Variants in LRCH3 observed in about 807,000 individuals in gnomAD.
LRCH3 encodes leucine rich repeats and calponin homology domain containing 3, also known as DISP complex protein LRCH3.
A neutral mutation model predicts 104.5 loss-of-function variants in LRCH3; 68 were observed. That is an observed-to-expected ratio of 0.65 (90% CI 0.54 to 0.80). The LOEUF (loss-of-function observed/expected upper bound fraction) is 0.80. Ranked by LOEUF, LRCH3 falls within the 30% of genes least tolerant of loss-of-function variation. LRCH3 has a pLI of 0.00. For missense variants in LRCH3, 951 were observed against 953.9 expected (o/e 1.00, Z 0.04); for synonymous variants, 344 against 361.3 (o/e 0.95, Z 0.54).
intron 1 of LRCH3, among the ~76,000 whole-genome samples, chr3:197,802,319 C>G (rs977360223): frequency 9.9e-5 from 15 of 152,134 alleles, no homozygotes; most frequent in African/African-American, 3.6e-4. Flanking sequence ...ATACCACACA[C>G]AGACTGATTA....
At chr3:197,804,898 C>A (rs554628501) in intron 1 of LRCH3, among the ~76,000 whole-genome samples, 1 of 140,952 alleles carries the variant, frequency 7.1e-6, no homozygotes, top group Non-Finnish European at 1.6e-5. Flanking sequence ...TTTTTTTTTT[C>A]TTTTTTATTT....
intron 17 of LRCH3, among the ~76,000 whole-genome samples, chr3:197,869,789 GCGA>G: frequency 7.3e-6 from 1 of 136,532 alleles, no homozygotes. Flanking sequence ...GAGGTAGAAA[GCGA>G]TGCACTGTAC....
intron 1 of LRCH3, among the ~76,000 whole-genome samples, chr3:197,804,547 C>T (rs1732259856): frequency 6.6e-6 from 1 of 152,192 alleles, no homozygotes; most frequent in Non-Finnish European, 1.5e-5. Flanking sequence ...ATCTTGTCCT[C>T]ACTCCTATCC....
chr3:197,862,325 C>T (rs1346859008), intron 15 of LRCH3, among the ~76,000 whole-genome samples: 1 of 152,194 alleles, frequency 6.6e-6, no homozygotes, highest in Non-Finnish European at 1.5e-5. Context: ...AAGGAGAGAA[C>T]ATTCGCTGCC....
chr3:197,830,700 G>C, intron 6 of LRCH3, 70 bp from the exon 7 acceptor site: 1 of 1,255,418 alleles, frequency 8.0e-7, no homozygotes, highest in South Asian at 1.3e-5. Flanking sequence ...TTAGAAAATT[G>C]ATCTGTTTAA....
chr3:197,817,118 G>T (rs1378482769), intron 2 of LRCH3, 58 bp from the exon 3 acceptor site: 5 of 1,513,870 alleles, frequency 3.3e-6, no homozygotes, highest in Non-Finnish European at 1.8e-6. Context: ...GAGAAAGAGA[G>T]AAAATTTTTC....
In LRCH3 at chr3:197,826,881, T is replaced by G. The variant is rs761793969; in HGVS notation, c.644T>G (p.Leu215Arg). The change falls in exon 5 of 21, where the codon CTG becomes CGG. Residue 215 changes from leucine (L) to arginine (R), a missense_variant. Leu to Arg is a moderately radical substitution (Grantham distance 102). Coordinates refer to ENST00000425562, the MANE Select transcript of LRCH3 (RefSeq NM_001365715.1). ...TTTCCATTTTACCTTCTTGCAGAGC[T>G]GGCGGAGTTGCCTTTGATACGGTTA... is the stretch of plus-strand genomic sequence containing the variant. ...RNHLVHLPEE[L>R]AELPLIRLDF... 3 of 1,614,166 alleles carry G rather than the reference T, an allele frequency of 1.9e-6. No individual in the cohort carries two copies. Among genetic ancestry groups the G allele is most frequent in the Non-Finnish European group, 2.5e-6 (3 of 1,180,010 alleles).
intron 17 of LRCH3, among the ~76,000 whole-genome samples, chr3:197,868,367 A>G (rs771460086): frequency 6.6e-6 from 1 of 152,262 alleles, no homozygotes; most frequent in East Asian, 1.9e-4. Context: ...GAGGATATGC[A>G]TAGTTTGTAT....
chr3:197,817,358 GTGTATA>G, intron 3 of LRCH3, 56 bp downstream of exon 3: 2 of 120,074 alleles, frequency 1.7e-5, no homozygotes, highest in African/African-American at 2.3e-4. Flanking sequence ...GTGTGTGTGT[GTGTATA>G]TATATATATA....
chr3:197,870,456 C>T (rs1382707696), intron 18 of LRCH3, among the ~76,000 whole-genome samples, 178 bp downstream of exon 18: 1 of 152,128 alleles, frequency 6.6e-6, no homozygotes, highest in African/African-American at 2.4e-5. Context: ...GCCTATGCCT[C>T]GTGGGTTCAA....
chr3:197,865,442 C>T lies in LRCH3; in HGVS notation c.1736C>T (p.Ala579Val). The T allele has an allele frequency of 6.4e-7, 1 of 1,566,390 alleles. No individual in the cohort carries two copies. Among genetic ancestry groups the T allele is most frequent in the Middle Eastern group, 1.9e-4 (1 of 5,236 alleles). ...TPLKSDDRPNALLSSPATETV... is the reference protein window; with the variant it reads ...TPLKSDDRPNVLLSSPATETV... ...CCACAGAGTGATGACAGACCTAATG[C>T]TCTATTAAGTTCACCTGCAACAGAA... Residue 579 changes from alanine (A) to valine (V), a missense_variant, in exon 16 of 21, where the codon GCT becomes GTT. Coordinates refer to ENST00000425562, the MANE Select transcript of LRCH3 (RefSeq NM_001365715.1).
intron 4 of LRCH3, among the ~76,000 whole-genome samples, chr3:197,824,110 G>C (rs143342130): frequency 0.022 from 3,361 of 151,780 alleles, 71 homozygotes; most frequent in East Asian, 0.053. Flanking sequence ...TGTCGCCCAG[G>C]CTGGAGTGCA....
rs144467038 is a variant in LRCH3 at position 197,872,167 on chromosome 3, G to T, written c.2130+705G>T. Among the ~76,000 whole-genome samples the T allele has an allele frequency of 2.0e-5, 3 of 151,888 alleles. No individual in the cohort carries two copies. In the East Asian group the frequency reaches 5.8e-4, roughly 29 times the overall value. On this transcript the variant is annotated intron_variant, in intron 19 of 20. Coordinates refer to ENST00000425562, the MANE Select transcript of LRCH3 (RefSeq NM_001365715.1). ...AGCCCAGGAGTTTGAGACCAGCCAG[G>T]ACAATATGGCAAAACCCCGTCTCTA... is the stretch of plus-strand genomic sequence containing the variant.
intron 20 of LRCH3, chr3:197,881,610 A>G: frequency 3.0e-6 from 3 of 985,488 alleles, no homozygotes; most frequent in Non-Finnish European, 3.6e-6. Flanking sequence ...TGCTCAAGGC[A>G]GTGAATATTG....
intron 1 of LRCH3, among the ~76,000 whole-genome samples, chr3:197,812,841 C>T (rs776196742): frequency 2.6e-5 from 4 of 152,084 alleles, no homozygotes; most frequent in Admixed American, 6.6e-5. Flanking sequence ...GGATTACAGG[C>T]GCAGGCCACC....
intron 20 of LRCH3, among the ~76,000 whole-genome samples, chr3:197,879,709 A>G (rs1361201159): frequency 6.6e-6 from 1 of 152,232 alleles, no homozygotes; most frequent in African/African-American, 2.4e-5. Flanking sequence ...GCTTCTGGGT[A>G]GTAAATTACC....
intron 1 of LRCH3, among the ~76,000 whole-genome samples, chr3:197,803,729 T>C (rs1276271731): frequency 6.6e-6 from 1 of 152,118 alleles, no homozygotes; most frequent in Non-Finnish European, 1.5e-5. Context: ...TTTTCACATC[T>C]GGTTCTATGG....
intron 4 of LRCH3, 113 bp downstream of exon 4, chr3:197,820,543 G>C (rs1580641600): frequency 2.9e-6 from 2 of 688,022 alleles, no homozygotes; most frequent in South Asian, 3.8e-5. Context: ...GGGCGCTGTG[G>C]CTCCTGCCTG....
In LRCH3 at chr3:197,883,230, G is replaced by T. The variant is rs1439387055; in HGVS notation, c.2209-311G>T. On this transcript the variant is annotated intron_variant, in intron 20 of 20. Transcript: ENST00000425562. The surrounding 1 kb of genome is among the most constrained non-coding windows in gnomAD (Gnocchi z 4.2). ...CTGTATTGACCTTTTATTCATCAGGGATAAAGGATGTTGCTTTCACCCTGC... is the reference window on the plus strand; with the variant it reads ...CTGTATTGACCTTTTATTCATCAGGTATAAAGGATGTTGCTTTCACCCTGC... 8.5e-6 allele frequency: 9 copies of T among 1,059,978 alleles called. No individual in the cohort carries two copies. The highest frequency in any genetic ancestry group is 1.7e-5 in the African/African-American group (1 of 59,038). The allele number at this position is 1,059,978 out of a possible 1,614,324, so 65.7% of individuals were successfully genotyped here.
Sources: allele counts gnomAD v4.1 joint callset (sites outside exome capture counted in the v4.1 genomes callset), GRCh38; gene constraint gnomAD v4.1.1; non-coding constraint Gnocchi (gnomAD v3.1); transcripts MANE v1.5; gene names NCBI Gene and HGNC (gene_info 2026-07-23, HGNC 2026-07-21).